The following UEVLD variants were observed in gnomAD, a reference collection of about 807,000 sequenced individuals.
UEVLD encodes ubiquitin-conjugating enzyme E2 variant 3.
UEVLD carries 47 observed loss-of-function variants against 58.6 expected under a neutral mutation model. The observed-to-expected ratio is 0.80, with a 90% CI of 0.63 to 1.02. The LOEUF (loss-of-function observed/expected upper bound fraction) is 1.02. UEVLD is among the 50% of genes least tolerant of loss of function. The pLI is 0.00. For synonymous variants in UEVLD, 197 were observed against 195.3 expected, an observed-to-expected ratio of 1.01 and a Z score of -0.07; for missense variants, 510 against 550.6, an observed-to-expected ratio of 0.93 and a Z score of 0.74.
At chr11:18,587,716 C>G (rs1442330306) in intron 1 of UEVLD, 1 of 151,864 alleles carries the variant, frequency 6.6e-6, no homozygotes, top group East Asian at 1.9e-4. Context: ...GCACGAGAAT[C>G]GGCTTGAACC....
chr11:18,532,256 T>G lies in UEVLD; in HGVS notation c.*64A>C. The G allele has an allele frequency of 1.4e-6, 2 of 1,470,112 alleles. No homozygotes were observed. Among genetic ancestry groups the G allele is most frequent in the South Asian group, 2.9e-5 (2 of 69,652 alleles). 91.1% of individuals were successfully genotyped at this position (1,470,112 alleles called of 1,614,324 possible). A position where few individuals can be genotyped will look rare whatever the true frequency, so the allele number is the denominator to read the frequency against. On this transcript the variant is annotated 3_prime_UTR_variant, in exon 12 of 12. Transcript: ENST00000396197. ...ATACAGAAATCCTCAAACCTATATA[T>G]AGGTAAAATTAAATGACTTTTCCCT...
chr11:18,583,581 GAAT>G (rs1853374329), intron 1 of UEVLD, among the ~76,000 whole-genome samples: 2 of 151,048 alleles, frequency 1.3e-5, no homozygotes, highest in South Asian at 4.2e-4. Context: ...ACACACTGAG[GAAT>G]AATAATACTT....
intron 6 of UEVLD, among the ~76,000 whole-genome samples, chr11:18,560,138 CAGAGAG>C (rs112126418): frequency 4.4e-4 from 33 of 74,840 alleles, no homozygotes; most frequent in African/African-American, 1.6e-3. Context: ...CACACACACA[CAGAGAG>C]AGAAAGAAAA....
At chr11:18,578,592 G>T in intron 2 of UEVLD, 132 bp downstream of exon 2, 2 of 662,438 alleles carry the variant, frequency 3.0e-6, no homozygotes, top group South Asian at 1.7e-5. Context: ...CTCAGAAATT[G>T]CAGGTCATAA....
chr11:18,578,884 T>G (rs1036456611), intron 1 of UEVLD, 76 bp from the exon 2 acceptor site: 2 of 1,077,552 alleles, frequency 1.9e-6, no homozygotes, highest in Non-Finnish European at 2.7e-6. Flanking sequence ...CTTTTTTTTT[T>G]TGAGACGGAG....
intron 9 of UEVLD, among the ~76,000 whole-genome samples, chr11:18,544,151 C>T (rs1366800398): frequency 2.0e-5 from 3 of 152,140 alleles, no homozygotes; most frequent in East Asian, 1.9e-4. Flanking sequence ...GTAATTACAA[C>T]GAGAATGACA....
chr11:18,578,377 C>T (rs1212657338), intron 2 of UEVLD, among the ~76,000 whole-genome samples: 1 of 152,190 alleles, frequency 6.6e-6, no homozygotes, highest in Non-Finnish European at 1.5e-5. Context: ...CCAGAGCCTC[C>T]AGAAACAAAG....
At chr11:18,574,754 G>A (rs1852812346) in intron 3 of UEVLD, among the ~76,000 whole-genome samples, 1 of 152,092 alleles carries the variant, frequency 6.6e-6, no homozygotes, top group African/African-American at 2.4e-5. Context: ...TTTCCTATTG[G>A]AGTCTGAGTT....
At chr11:18,570,929 C>G (rs1852573674) in intron 3 of UEVLD, among the ~76,000 whole-genome samples, 1 of 120,464 alleles carries the variant, frequency 8.3e-6, no homozygotes, top group Admixed American at 8.3e-5. Flanking sequence ...AAATCATCCA[C>G]CCTGCCTCTC....
At position 18,532,362 on chromosome 11, in the gene UEVLD, A is replaced by C. The variant is rs1195953458; in HGVS notation, c.1374T>G (p.Ser458Arg). The change falls in exon 12 of 12, where the codon AGT becomes AGG. Residue 458 changes from serine to arginine, a missense_variant. Coordinates refer to ENST00000396197, the MANE Select transcript of UEVLD (RefSeq NM_001040697.4). Reference protein sequence around the residue: ...EDTVTEKLQSSASSIHSLQQQ... With the variant: ...EDTVTEKLQSRASSIHSLQQQ... ...GTTGGAGACTGTGGATTGAGGATGC[A>C]CTGCTTTGGAGTTTCTCAGTAACTG... 3 of 1,612,488 alleles carry C rather than the reference A, an allele frequency of 1.9e-6. No individual in the cohort carries two copies. Among genetic ancestry groups the C allele is most frequent in the Non-Finnish European group, 2.5e-6 (3 of 1,179,344 alleles).
chr11:18,537,680 T>A (rs1407065246), intron 9 of UEVLD, among the ~76,000 whole-genome samples: 1 of 149,476 alleles, frequency 6.7e-6, no homozygotes, highest in African/African-American at 2.5e-5. Flanking sequence ...TATTATTATT[T>A]GATACACAGT....
Position 18,532,117 on chromosome 11 carries a change from C to T in UEVLD, c.*203G>A. ...AGAACAGCATAGATATCTCAAGAAC[C>T]CCAAATAAAATTAATTTTTCCCCTC... On this transcript the variant is annotated 3_prime_UTR_variant, in exon 12 of 12. Transcript: ENST00000396197. 1 of 409,178 alleles carries T rather than the reference C, an allele frequency of 2.4e-6. No homozygotes were observed. Among genetic ancestry groups the T allele is most frequent in the Non-Finnish European group, 4.2e-6 (1 of 235,562 alleles). The allele number at this position is 409,178 out of a possible 1,614,324, so 25.3% of individuals were successfully genotyped here. A position where few individuals can be genotyped will look rare whatever the true frequency, so the allele number is the denominator to read the frequency against.
In UEVLD at chr11:18,532,424, C is replaced by A. The variant is rs1220271656; in HGVS notation, c.1312G>T (p.Val438Leu). The change falls in exon 12 of 12, where the codon GTA (valine) becomes TTA (leucine). Residue 438 changes from valine to leucine, a missense_variant. Physicochemically the swap from Val to Leu is conservative, Grantham distance 32. Transcript: ENST00000396197. ...AGTGTGGTTTTGATAACTTCAGATACTCCATTGGTTCCAAGGATGCAAGGC... is the reference window on the plus strand; with the variant it reads ...AGTGTGGTTTTGATAACTTCAGATAATCCATTGGTTCCAAGGATGCAAGGC... ...SLPCILGTNGVSEVIKTTLKE... is the reference protein window; with the variant it reads ...SLPCILGTNGLSEVIKTTLKE... 2.2e-5 allele frequency: 35 copies of A among 1,613,380 alleles called. No individual in the cohort carries two copies. The highest frequency in any genetic ancestry group is 1.0e-4 in the Admixed American group (6 of 59,920).
intron 9 of UEVLD, 102 bp from the exon 10 acceptor site, chr11:18,536,571 T>C (rs1850805185): frequency 2.1e-6 from 2 of 967,962 alleles, no homozygotes; most frequent in East Asian, 5.0e-5. Context: ...CTAATATTTA[T>C]ATAGAAGTTT....
rs1332534616 is a variant in UEVLD, at chr11:18,530,135, A to C, written c.*2185T>G. The stretch of plus-strand genomic sequence containing the variant: ...AGCATATTACATATTATCTAACTTT[A>C]ATTAGATATCAAATATTAGAAAAGG... On this transcript the variant is annotated 3_prime_UTR_variant, in exon 12 of 12. Coordinates refer to ENST00000396197, the MANE Select transcript of UEVLD (RefSeq NM_001040697.4). 1 of 152,226 alleles carries C rather than the reference A, an allele frequency of 6.6e-6. No individual in the cohort carries two copies. Among genetic ancestry groups the C allele is most frequent in the Non-Finnish European group, 1.5e-5 (1 of 68,018 alleles). 9.4% of individuals were successfully genotyped at this position (152,226 alleles called of 1,614,324 possible). A position where few individuals can be genotyped will look rare whatever the true frequency, so the allele number is the denominator to read the frequency against.
rs1221122347 is a variant in UEVLD at position 18,570,315 on chromosome 11, TA to T, written c.255del (p.Ile86PhefsTer4). On this transcript the variant is annotated frameshift_variant, in exon 4 of 12. Transcript: ENST00000396197. LOFTEE classifies it high-confidence loss of function. ...TTTGCAGTTGGCTTCAAGAAGCAAA[TA>T]GGGGGAGCGAAAGGGTGAGAATCCA... Reference protein sequence around the residue: ...WILDSHPFAPPICFLKPTANM... With the variant: ...WILDSHPFAPXICFLKPTANM... 5 of 1,588,892 alleles carry T rather than the reference TA, an allele frequency of 3.1e-6. No homozygotes were observed. Among genetic ancestry groups the T allele is most frequent in the Non-Finnish European group, 4.3e-6 (5 of 1,173,204 alleles).
chr11:18,580,628 G>A (rs1481482079), intron 1 of UEVLD, among the ~76,000 whole-genome samples: 3 of 150,126 alleles, frequency 2.0e-5, no homozygotes, highest in Non-Finnish European at 4.4e-5. Flanking sequence ...CTCTGGTCTT[G>A]GACAAAGACT....
intron 1 of UEVLD, among the ~76,000 whole-genome samples, chr11:18,586,563 C>T (rs1012960890): frequency 2.0e-5 from 3 of 152,106 alleles, no homozygotes; most frequent in Non-Finnish European, 2.9e-5. Flanking sequence ...TTCTGTCTCC[C>T]AGGCTGGCAA....
intron 7 of UEVLD, among the ~76,000 whole-genome samples, chr11:18,548,576 T>C (rs1851391343): frequency 6.6e-6 from 1 of 152,140 alleles, no homozygotes; most frequent in Non-Finnish European, 1.5e-5. Context: ...TACAGGCATA[T>C]GCCACCACAC....
Sources: allele counts gnomAD v4.1 joint callset (sites outside exome capture counted in the v4.1 genomes callset), GRCh38; gene constraint gnomAD v4.1.1; transcripts MANE v1.5; gene names NCBI Gene and HGNC (gene_info 2026-07-23, HGNC 2026-07-21).